IL16: variants seen among roughly 807,000 people sequenced by gnomAD.
IL16 encodes the protein interleukin 16.
IL16 carries 67 observed loss-of-function variants against 110.1 expected under a neutral mutation model. The observed-to-expected ratio is 0.61, with a 90% CI of 0.50 to 0.75. The LOEUF is 0.75. Ranked by LOEUF, IL16 falls within the 30% of genes least tolerant of loss-of-function variation. IL16 has a pLI of 0.00. For missense variants in IL16, 1,545 were observed against 1,655.0 expected, an observed-to-expected ratio of 0.93 and a Z score of 1.15; for synonymous variants, 689 against 662.9, an observed-to-expected ratio of 1.04 and a Z score of -0.61.
chr15:81,253,812 G>A (rs982803062), intron 2 of IL16, among the ~76,000 whole-genome samples: 1 of 152,198 alleles, frequency 6.6e-6, no homozygotes, highest in Non-Finnish European at 1.5e-5. Flanking sequence ...AGTGGGAATG[G>A]GTGTGCTGGG....
chr15:81,306,838 C>G, intron 18 of IL16: 1 of 448,270 alleles, frequency 2.2e-6, no homozygotes, highest in Non-Finnish European at 4.1e-6. Context: ...AGGCACTGGC[C>G]TGTGGGGCAG....
chr15:81,264,722 G>A (rs1373629224), intron 3 of IL16, among the ~76,000 whole-genome samples: 2 of 114,824 alleles, frequency 1.7e-5, no homozygotes, highest in Non-Finnish European at 3.4e-5. Context: ...CACTTGAAAT[G>A]TGACTTATTC....
rs1900208597 is a variant in IL16 at position 81,300,233 on chromosome 15, G to T, written c.2907G>T (p.Leu969=). 8.7e-6 allele frequency: 14 copies of T among 1,614,236 alleles called. No homozygotes were observed. The highest frequency in any genetic ancestry group is 1.2e-5 in the Non-Finnish European group (14 of 1,180,050). The change falls in exon 14 of 19, where the codon CTG becomes CTT. Residue 969 remains leucine, a synonymous_variant. Transcript: ENST00000683961. ...MPSQRARSFP[L]TRSQSCETKL... is the part of the protein sequence containing the mutation. The stretch of plus-strand genomic sequence containing the variant: ...GCCAGCGAGCACGGAGCTTCCCCCT[G>T]ACCAGGTCCCAGTCCTGTGAGACGA...
At chr15:81,215,074 C>A (rs1896378023) in intron 1 of IL16, among the ~76,000 whole-genome samples, 1 of 152,182 alleles carries the variant, frequency 6.6e-6, no homozygotes, top group Admixed American at 6.5e-5. Context: ...TCTCAGGAAT[C>A]TCAGTGAGCT....
chr15:81,184,039 A>G (rs1895383407), intron 1 of IL16, among the ~76,000 whole-genome samples: 1 of 152,220 alleles, frequency 6.6e-6, no homozygotes, highest in Admixed American at 6.5e-5. Context: ...GGATGAAGAA[A>G]AGAGTGCTTG....
At chr15:81,197,199 C>G (rs1028902693) in intron 1 of IL16, 47 bp downstream of exon 1, 25 of 1,236,928 alleles carry the variant, frequency 2.0e-5, no homozygotes, top group Non-Finnish European at 2.5e-5. Context: ...GTGGCCGTTA[C>G]CGGAGGGAGG....
intron 13 of IL16, 95 bp downstream of exon 13, chr15:81,297,173 C>A: frequency 8.1e-7 from 1 of 1,235,004 alleles, no homozygotes; most frequent in Non-Finnish European, 1.1e-6. Flanking sequence ...GATCAGAGTG[C>A]TCTGCATTGA....
intron 16 of IL16, among the ~76,000 whole-genome samples, chr15:81,304,646 C>T (rs1364574600): frequency 6.6e-6 from 1 of 152,176 alleles, no homozygotes; most frequent in African/African-American, 2.4e-5. Context: ...AAATTGGTGG[C>T]ATTTATGCTT....
In IL16 at chr15:81,299,834, C is replaced by A. The variant is rs1900178645; in HGVS notation, c.2508C>A (p.Ser836=). The A allele has an allele frequency of 6.2e-7, 1 of 1,614,076 alleles. No homozygotes were observed. Among genetic ancestry groups the A allele is most frequent in the African/African-American group, 1.3e-5 (1 of 75,062 alleles). ...LGSHIRASSS[S]SSIRQRISSF... is the part of the protein sequence containing the mutation. The stretch of plus-strand genomic sequence containing the variant: ...CACACATCCGGGCCTCCTCCTCCTC[C>A]TCCTCCATCAGGCAGAGAATCAGCT... Residue 836 remains serine, a synonymous_variant, in exon 14 of 19, where the codon TCC becomes TCA. Transcript: ENST00000683961.
intron 2 of IL16, among the ~76,000 whole-genome samples, chr15:81,251,858 G>GT (rs1275715183): frequency 6.6e-6 from 1 of 151,808 alleles, no homozygotes; most frequent in East Asian, 1.9e-4. Context: ...ATTACCTACA[G>GT]TTTTTTTTCA....
chr15:81,274,043 A>C (rs1162202855), intron 6 of IL16, among the ~76,000 whole-genome samples: 1 of 152,080 alleles, frequency 6.6e-6, no homozygotes, highest in Non-Finnish European at 1.5e-5. Context: ...GTCACAGGGC[A>C]GAGAGTACCC....
At chr15:81,218,830 C>T (rs1896520972) in intron 1 of IL16, among the ~76,000 whole-genome samples, 1 of 152,142 alleles carries the variant, frequency 6.6e-6, no homozygotes, top group African/African-American at 2.4e-5. Context: ...TGATTGGCTG[C>T]ATGGTATTCC....
intron 6 of IL16, among the ~76,000 whole-genome samples, chr15:81,274,884 TG>T (rs1898825633): frequency 6.6e-6 from 1 of 152,062 alleles, no homozygotes; most frequent in South Asian, 2.1e-4. Context: ...TTTTATACTA[TG>T]GGAGGGACCT....
chr15:81,290,558 C>A lies in IL16; in HGVS notation c.1420+18C>A. 1 of 1,533,932 alleles carries A rather than the reference C, an allele frequency of 6.5e-7. No individual in the cohort carries two copies. The highest frequency in any genetic ancestry group is 9.0e-7 in the Non-Finnish European group (1 of 1,111,568). The stretch of plus-strand genomic sequence containing the variant: ...TCTGGAAGGTAAGACAAATGGTGAA[C>A]TTTGATGTAAAATATCTTTGCCTTC... On this transcript the variant is annotated intron_variant, in intron 11 of 18. Coordinates refer to ENST00000683961, the MANE Select transcript of IL16 (RefSeq NM_172217.5).
chr15:81,202,636 C>T, intron 1 of IL16, among the ~76,000 whole-genome samples: 1 of 152,032 alleles, frequency 6.6e-6, no homozygotes, highest in Non-Finnish European at 1.5e-5. Flanking sequence ...CATCCATGTC[C>T]CTACAAAGGA....
chr15:81,302,616 C>T (rs568597035), intron 15 of IL16, among the ~76,000 whole-genome samples: 10 of 152,248 alleles, frequency 6.6e-5, no homozygotes, highest in African/African-American at 1.2e-4. Context: ...GCTCTAGTGA[C>T]GCTGAGCAAG....
In IL16 at chr15:81,279,684, AG is replaced by A. The variant is rs1398843685; in HGVS notation, c.992del (p.Ser331ThrfsTer86). ...CTCCAGCACTTGTATCACCAAGGACAGCAGCTCCTTCGCCTTGGAAAGCCCC... is the reference window on the plus strand; with the variant it reads ...CTCCAGCACTTGTATCACCAAGGACACAGCTCCTTCGCCTTGGAAAGCCCC... ...LSSSTCITKD[S>X]SSFALESPSA... is the part of the protein sequence containing the mutation. On this transcript the variant is annotated frameshift_variant, in exon 8 of 19. Coordinates refer to ENST00000683961, the MANE Select transcript of IL16 (RefSeq NM_172217.5). LOFTEE classifies it high-confidence loss of function. 3.1e-6 allele frequency: 5 copies of A among 1,614,134 alleles called. No homozygotes were observed. Among genetic ancestry groups the A allele is most frequent in the Non-Finnish European group, 4.2e-6 (5 of 1,180,044 alleles).
chr15:81,189,188 A>G (rs950470003), intron 1 of IL16, among the ~76,000 whole-genome samples: 2 of 146,558 alleles, frequency 1.4e-5, no homozygotes, highest in Non-Finnish European at 3.0e-5. Flanking sequence ...CAGTGGCACG[A>G]TCTTGGCTCA....
intron 2 of IL16, among the ~76,000 whole-genome samples, chr15:81,255,783 G>A (rs1897924154): frequency 6.6e-6 from 1 of 151,864 alleles, no homozygotes; most frequent in Non-Finnish European, 1.5e-5. Context: ...GGCGGGGCAG[G>A]GAGAGGCTCC....
Sources: gnomAD v4.1 joint callset for allele counts (sites outside exome capture counted in the v4.1 genomes callset) on GRCh38, gnomAD v4.1.1 for gene constraint, MANE v1.5 for transcripts, NCBI Gene and HGNC (gene_info 2026-07-23, HGNC 2026-07-21) for gene names.